Variants in TLK2 observed in about 807,000 individuals in gnomAD.
TLK2 encodes the protein serine/threonine-protein kinase tousled-like 2.
A neutral mutation model predicts 117.3 loss-of-function variants in TLK2; 6 were observed. That is an observed-to-expected ratio of 0.05 (90% confidence interval 0.03 to 0.10). The LOEUF is 0.10. Ranked by LOEUF, TLK2 falls within the 10% of genes least tolerant of loss-of-function variation. The probability of loss-of-function intolerance (pLI) is 1.00; values close to 1 mark genes in which losing one functional copy is unlikely to be tolerated. For synonymous variants in TLK2, 257 were observed against 316.7 expected (o/e 0.81, Z 2.00); for missense variants, 299 against 901.2 (o/e 0.33, Z 8.56).
At chr17:62,576,870 G>C (rs1467526479) in intron 13 of TLK2, 95 bp downstream of exon 13, 6 of 868,652 alleles carry the variant, frequency 6.9e-6, no homozygotes, top group Non-Finnish European at 3.8e-6. Context: ...TGTAATAGTA[G>C]CTGCACATAG....
intron 6 of TLK2, among the ~76,000 whole-genome samples, chr17:62,529,974 G>A (rs1276274828): frequency 2.6e-5 from 4 of 152,048 alleles, no homozygotes; most frequent in Non-Finnish European, 4.4e-5. Flanking sequence ...GGACCCACGT[G>A]GGAGGATTAC....
chr17:62,578,489 A>G lies in TLK2; in HGVS notation c.1201A>G (p.Ile401Val). ...LGHLKKEEAE[I>V]QAELERLERV... is the part of the protein sequence containing the mutation. ...CTTTTCGCTTTAGGAGGAAGCAGAG[A>G]TCCAGGCAGAGCTGGAGAGACTAGA... is the stretch of plus-strand genomic sequence containing the variant. Residue 401 changes from isoleucine (I) to valine (V), a missense_variant, in exon 14 of 22, where the codon ATC (isoleucine) becomes GTC (valine). Coordinates refer to ENST00000346027, the MANE Select transcript of TLK2 (RefSeq NM_006852.6). 1 of 1,613,774 alleles carries G rather than the reference A, an allele frequency of 6.2e-7. No individual in the cohort carries two copies. The highest frequency in any genetic ancestry group is 8.5e-7 in the Non-Finnish European group (1 of 1,179,788).
Position 62,578,035 on chromosome 17 carries a change from G to A in TLK2, c.1189-442G>A, listed in dbSNP as rs548160127. Among the ~76,000 whole-genome samples, 7 of 152,198 alleles carry A rather than the reference G, an allele frequency of 4.6e-5. No homozygotes were observed. In the East Asian group the frequency reaches 9.6e-4, roughly 21 times the overall value. Reference sequence around the variant, plus strand: ...GCACTCCAGCCTGGGTGACAACAGCGAAACTCCATCTTAAAAAATAAAAAT... The same window carrying A: ...GCACTCCAGCCTGGGTGACAACAGCAAAACTCCATCTTAAAAAATAAAAAT... On this transcript the variant is annotated intron_variant, in intron 13 of 21. Transcript: ENST00000346027.
At chr17:62,532,230 T>C (rs1285375568) in intron 6 of TLK2, among the ~76,000 whole-genome samples, 1 of 152,190 alleles carries the variant, frequency 6.6e-6, no homozygotes, top group Non-Finnish European at 1.5e-5. Context: ...TATAGTTTTT[T>C]TCCCCCCCCA....
chr17:62,578,747 T>C (rs1458102411), intron 14 of TLK2, among the ~76,000 whole-genome samples, 173 bp downstream of exon 14: 2 of 152,232 alleles, frequency 1.3e-5, no homozygotes, highest in Non-Finnish European at 2.9e-5. Context: ...TGATTTGCCT[T>C]GGTTTAAATA....
In TLK2 at chr17:62,490,148, G is replaced by C. The variant is rs188165930; in HGVS notation, c.81+8942G>C. 1.9e-3 allele frequency among the ~76,000 whole-genome samples: 285 copies of C among 152,324 alleles called. 1 individual carries two copies. The highest frequency in any genetic ancestry group is 4.4e-3 in the Admixed American group (68 of 15,290). On this transcript the variant is annotated intron_variant, in intron 2 of 21. Transcript: ENST00000346027. ...CCCAACCAGTTATAGAATATTCTCA[G>C]CCGTTATCTTGTCATATATTGCTTC...
At chr17:62,505,407 ATTTTTTTTT>A (rs544900638) in intron 2 of TLK2, among the ~76,000 whole-genome samples, 17 of 53,756 alleles carry the variant, frequency 3.2e-4, no homozygotes, top group African/African-American at 6.5e-4. Flanking sequence ...CCATACCCAG[ATTTTTTTTT>A]TTTTTTTTTT....
At chr17:62,607,656 T>G (rs1371135794) in intron 20 of TLK2, among the ~76,000 whole-genome samples, 1 of 152,176 alleles carries the variant, frequency 6.6e-6, no homozygotes, top group Non-Finnish European at 1.5e-5. Context: ...TTTTTCTGTT[T>G]TTTGAGTTGG....
chr17:62,588,377 G>A (rs1464222694), intron 16 of TLK2, among the ~76,000 whole-genome samples: 2 of 152,158 alleles, frequency 1.3e-5, no homozygotes, highest in Non-Finnish European at 2.9e-5. Context: ...AGCACTCTGA[G>A]GCCTGGTGGG....
At chr17:62,498,001 T>A (rs1488276693) in intron 2 of TLK2, among the ~76,000 whole-genome samples, 1 of 152,080 alleles carries the variant, frequency 6.6e-6, no homozygotes, top group East Asian at 1.9e-4. Flanking sequence ...CAGCCCAATC[T>A]GACATTTTAA....
rs190526761 is a variant in TLK2, at chr17:62,599,026, A to G, written c.1551-1625A>G. 1.1e-4 allele frequency among the ~76,000 whole-genome samples: 16 copies of G among 151,456 alleles called. No individual in the cohort carries two copies. In the East Asian group the frequency reaches 2.5e-3, roughly 24 times the overall value. ...AGTGGCATGATCTTGGCTCACTGCA[A>G]CCTCCACCTCATGGGTTCAAGCAAT... On this transcript the variant is annotated intron_variant, in intron 17 of 21. Coordinates refer to ENST00000346027, the MANE Select transcript of TLK2 (RefSeq NM_006852.6).
intron 18 of TLK2, among the ~76,000 whole-genome samples, chr17:62,601,337 T>G (rs1685978481): frequency 6.6e-6 from 1 of 152,234 alleles, no homozygotes. Context: ...TATCTTCAGC[T>G]GTGTTTTAGA....
chr17:62,510,903 G>A (rs1296797154), intron 2 of TLK2, among the ~76,000 whole-genome samples: 1 of 152,118 alleles, frequency 6.6e-6, no homozygotes, highest in Non-Finnish European at 1.5e-5. Context: ...CTAAGTGTTG[G>A]TTATCATTAT....
At chr17:62,587,266 A>C (rs542354229) in intron 16 of TLK2, among the ~76,000 whole-genome samples, 2 of 152,246 alleles carry the variant, frequency 1.3e-5, no homozygotes, top group South Asian at 2.1e-4. Flanking sequence ...TTAATTTGCT[A>C]TTAGGTTCCC....
intron 17 of TLK2, among the ~76,000 whole-genome samples, chr17:62,599,628 TG>T (rs2082733312): frequency 6.6e-6 from 1 of 152,202 alleles, no homozygotes; most frequent in Non-Finnish European, 1.5e-5. Context: ...CCTGCTTGCC[TG>T]AGGGTGCTAA....
chr17:62,508,168 G>GT (rs34268998), intron 2 of TLK2, among the ~76,000 whole-genome samples: 66,848 of 125,672 alleles, frequency 0.53, 19,456 homozygotes, highest in East Asian at 0.78. Flanking sequence ...AAATTTCCTA[G>GT]TTTTTTTTTT....
intron 7 of TLK2, among the ~76,000 whole-genome samples, chr17:62,544,504 C>G (rs2077763044): frequency 2.0e-5 from 3 of 152,186 alleles, no homozygotes; most frequent in Non-Finnish European, 4.4e-5. Flanking sequence ...CCAGACCCTT[C>G]CCCTGACATA....
At chr17:62,541,456 C>T (rs961734079) in intron 7 of TLK2, among the ~76,000 whole-genome samples, 7 of 152,326 alleles carry the variant, frequency 4.6e-5, no homozygotes, top group African/African-American at 1.7e-4. Context: ...GAATGCTATA[C>T]AGCTGGCAAA....
intron 13 of TLK2, among the ~76,000 whole-genome samples, chr17:62,577,156 G>A (rs943101531): frequency 2.6e-5 from 4 of 151,632 alleles, no homozygotes; most frequent in Non-Finnish European, 5.9e-5. Context: ...AGAGACGGGG[G>A]TCTCACCATT....
Sources: allele counts gnomAD v4.1 joint callset (sites outside exome capture counted in the v4.1 genomes callset), GRCh38; gene constraint gnomAD v4.1.1; transcripts MANE v1.5; gene names NCBI Gene and HGNC (gene_info 2026-07-23, HGNC 2026-07-21).